Variants in ARFIP1 observed in about 807,000 individuals in gnomAD.
ARFIP1 encodes the protein arfaptin-1.
ARFIP1 carries 24 observed loss-of-function variants against 42.5 expected under a neutral mutation model. The observed-to-expected ratio is 0.57, with a 90% CI of 0.41 to 0.80. The LOEUF is 0.80. Among genes scored for constraint, ARFIP1 ranks in the 30% least tolerant of loss-of-function variants. The probability of loss-of-function intolerance (pLI) is 0.00; values close to 1 mark genes in which losing one functional copy is unlikely to be tolerated. For synonymous variants in ARFIP1, 141 were observed against 153.7 expected, an observed-to-expected ratio of 0.92 and a Z score of 0.61; for missense variants, 354 against 434.0, an observed-to-expected ratio of 0.82 and a Z score of 1.64.
intron 2 of ARFIP1, among the ~76,000 whole-genome samples, chr4:152,837,749 TC>T (rs928944642): frequency 4.6e-5 from 7 of 152,194 alleles, no homozygotes; most frequent in Non-Finnish European, 8.8e-5. Flanking sequence ...TCTGCTGACT[TC>T]CTTTTGCCAT....
intron 2 of ARFIP1, among the ~76,000 whole-genome samples, chr4:152,848,343 T>A (rs1293601105): frequency 6.6e-6 from 1 of 152,196 alleles, no homozygotes; most frequent in South Asian, 2.1e-4. Context: ...TTTATTCACG[T>A]AAGAACGAGG....
chr4:152,853,025 G>C (rs774052765), intron 2 of ARFIP1, among the ~76,000 whole-genome samples: 5 of 152,204 alleles, frequency 3.3e-5, no homozygotes, highest in Non-Finnish European at 7.3e-5. Flanking sequence ...AACCCCAGCA[G>C]ACAGTAGGGA....
intron 1 of ARFIP1, chr4:152,807,108 C>T (rs926784830): frequency 6.6e-6 from 1 of 151,826 alleles, no homozygotes; most frequent in East Asian, 1.9e-4. Flanking sequence ...ATCAGTAGTT[C>T]ATTCCTTTTG....
At chr4:152,900,498 C>A (rs1157909280) in intron 8 of ARFIP1, among the ~76,000 whole-genome samples, 3 of 152,114 alleles carry the variant, frequency 2.0e-5, no homozygotes, top group Non-Finnish European at 4.4e-5. Context: ...TTTTCTACCC[C>A]ACTTGTAGTT....
intron 2 of ARFIP1, among the ~76,000 whole-genome samples, chr4:152,833,496 G>C (rs914073475): frequency 2.6e-5 from 4 of 152,302 alleles, no homozygotes; most frequent in African/African-American, 9.6e-5. Flanking sequence ...ATAAGATCTA[G>C]CAGTTCCATT....
At chr4:152,878,405 A>G (rs574377885) in intron 5 of ARFIP1, among the ~76,000 whole-genome samples, 15 of 152,348 alleles carry the variant, frequency 9.8e-5, no homozygotes, top group African/African-American at 2.9e-4. Context: ...TCCACTGTAG[A>G]GATCATCTAA....
At chr4:152,901,310 G>T (rs986030071) in intron 8 of ARFIP1, among the ~76,000 whole-genome samples, 2 of 152,184 alleles carry the variant, frequency 1.3e-5, no homozygotes, top group African/African-American at 4.8e-5. Flanking sequence ...GTAGGCAAGA[G>T]AAAGTTTTCG....
At chr4:152,826,782 A>G (rs1730872828) in intron 1 of ARFIP1, among the ~76,000 whole-genome samples, 1 of 152,216 alleles carries the variant, frequency 6.6e-6, no homozygotes, top group Non-Finnish European at 1.5e-5. Context: ...AAGCAACCCA[A>G]GTATCCATCA....
chr4:152,796,271 G>T, intron 1 of ARFIP1: 2 of 1,017,846 alleles, frequency 2.0e-6, no homozygotes, highest in East Asian at 4.8e-5. Flanking sequence ...TAGGCAAAAG[G>T]TGGCTTTCAG....
At chr4:152,890,348 G>A (rs187885335) in intron 8 of ARFIP1, among the ~76,000 whole-genome samples, 75 of 152,208 alleles carry the variant, frequency 4.9e-4, no homozygotes, top group Admixed American at 1.2e-3. Flanking sequence ...GAGCCAGGTC[G>A]TCTCTATAAA....
In ARFIP1 at chr4:152,904,500, A is replaced by C. The variant is rs571906765; in HGVS notation, c.967-5564A>C. Among the ~76,000 whole-genome samples the C allele has an allele frequency of 2.6e-5, 4 of 151,994 alleles. No homozygotes were observed. In the South Asian group the frequency reaches 8.3e-4, roughly 32 times the overall value. ...GCACCGCACCTGGCCCCATCACCTA[A>C]ATATTAAGGCCTGAATGCATTAGCT... On this transcript the variant is annotated intron_variant, in intron 8 of 8. Coordinates refer to ENST00000353617, the MANE Select transcript of ARFIP1 (RefSeq NM_001025595.3).
At chr4:152,909,935 C>A in intron 8 of ARFIP1, 129 bp from the exon 9 acceptor site, 1 of 1,198,536 alleles carries the variant, frequency 8.3e-7, no homozygotes, top group South Asian at 1.5e-5. Context: ...GTGTGAAATA[C>A]TTGGTCATTA....
At chr4:152,872,591 C>A in intron 5 of ARFIP1, 27 bp downstream of exon 5, 2 of 1,340,484 alleles carry the variant, frequency 1.5e-6, no homozygotes, top group South Asian at 1.4e-5. Context: ...TGTTTCCACC[C>A]TAAATGGCTC....
intron 1 of ARFIP1, among the ~76,000 whole-genome samples, chr4:152,820,827 G>A (rs4461505): frequency 0.65 from 98,922 of 151,972 alleles, 32,357 homozygotes; most frequent in Admixed American, 0.72. Context: ...TCCTGCGACT[G>A]GCATCTGGCA....
chr4:152,875,315 G>GT (rs1171453032), intron 5 of ARFIP1, among the ~76,000 whole-genome samples: 3 of 126,082 alleles, frequency 2.4e-5, no homozygotes, highest in Non-Finnish European at 4.9e-5. Context: ...GTTTACTTAA[G>GT]TTTTTGATTT....
chr4:152,859,105 C>T (rs1423550217), intron 2 of ARFIP1, among the ~76,000 whole-genome samples: 2 of 152,090 alleles, frequency 1.3e-5, no homozygotes, highest in Non-Finnish European at 2.9e-5. Context: ...CTCTGCTGCC[C>T]AGTCTACAGG....
chr4:152,798,529 G>T (rs1269512267), intron 1 of ARFIP1, among the ~76,000 whole-genome samples: 1 of 152,080 alleles, frequency 6.6e-6, no homozygotes, highest in African/African-American at 2.4e-5. Flanking sequence ...TATGAATACG[G>T]TATGTACTAA....
chr4:152,831,113 C>T (rs541415355), intron 2 of ARFIP1, among the ~76,000 whole-genome samples: 307 of 152,274 alleles, frequency 2.0e-3, no homozygotes, highest in Middle Eastern at 3.4e-3. Context: ...AATAAAGAAA[C>T]TCAAGTTAGC....
intron 2 of ARFIP1, among the ~76,000 whole-genome samples, chr4:152,835,264 C>T (rs1731560646): frequency 1.3e-5 from 2 of 152,190 alleles, no homozygotes; most frequent in South Asian, 4.1e-4. Flanking sequence ...AACTTTAAGT[C>T]ATTTATTTGC....
Sources: gnomAD v4.1 joint callset for allele counts (sites outside exome capture counted in the v4.1 genomes callset) on GRCh38, gnomAD v4.1.1 for gene constraint, MANE v1.5 for transcripts, NCBI Gene and HGNC (gene_info 2026-07-23, HGNC 2026-07-21) for gene names.